The following GRPEL1 variants were observed in gnomAD, a reference collection of about 807,000 sequenced individuals.
GRPEL1 encodes GrpE like 1, mitochondrial.
A neutral mutation model predicts 22.1 loss-of-function variants in GRPEL1; 13 were observed. The ratio of observed to expected loss-of-function variants is 0.59; its 90% confidence interval spans 0.38 to 0.94. The LOEUF (loss-of-function observed/expected upper bound fraction) is 0.94, where lower values mean the gene tolerates loss of function less well. Among genes scored for constraint, GRPEL1 ranks in the 40% least tolerant of loss-of-function variants. The pLI, the probability that GRPEL1 is intolerant of heterozygous loss-of-function variation, is 0.00. For missense variants in GRPEL1, 289 were observed against 264.6 expected (o/e 1.09, Z -0.64); for synonymous variants, 109 against 105.3 (o/e 1.03, Z -0.21).
chr4:7,067,848 G>T, intron 1 of GRPEL1, 123 bp downstream of exon 1: 1 of 1,003,030 alleles, frequency 1.0e-6, no homozygotes, highest in Non-Finnish European at 1.5e-6. Context: ...GGGGAACCGC[G>T]AGCCCGGAGA....
At chr4:7,063,741 C>T (rs985198144) in intron 2 of GRPEL1, among the ~76,000 whole-genome samples, 6 of 152,250 alleles carry the variant, frequency 3.9e-5, no homozygotes, top group Admixed American at 3.9e-4. Flanking sequence ...CTTGTACTTG[C>T]AATTTTCTGC....
chr4:7,067,835 G>A lies in GRPEL1; in HGVS notation c.62+136C>T, dbSNP rs537241878. On this transcript the variant is annotated intron_variant, in intron 1 of 3. Coordinates refer to ENST00000264954, the MANE Select transcript of GRPEL1 (RefSeq NM_025196.4). ...CCCAGCGGGGCGGTCCGCGTCCCGC[G>A]GCGGGGAACCGCGAGCCCGGAGATG... 1.0e-5 allele frequency: 9 copies of A among 880,820 alleles called. No individual in the cohort carries two copies. The East Asian group carries it at 1.9e-4, about 18-fold the overall frequency. The allele number at this position is 880,820 out of a possible 1,614,324, so 54.6% of individuals were successfully genotyped here.
Position 7,061,019 on chromosome 4 carries a change from A to T in GRPEL1, c.497T>A (p.Val166Asp). Residue 166 changes from valine (V) to aspartate (D), a missense_variant, in exon 4 of 4, where the codon GTC becomes GAC. Transcript: ENST00000264954. ...TTCATAAGGGTCGAACTTGGCTCCG[A>T]CAGGGTTCAACTTGAGCAAGCCATG... The part of the protein sequence containing the change: ...TKHGLLKLNP[V>D]GAKFDPYEHE... 6.2e-7 allele frequency: 1 copy of T among 1,614,212 alleles called. No homozygotes were observed. Among genetic ancestry groups the T allele is most frequent in the Non-Finnish European group, 8.5e-7 (1 of 1,180,042 alleles).
chr4:7,062,091 C>T (rs912510148), intron 3 of GRPEL1: 4 of 210,306 alleles, frequency 1.9e-5, no homozygotes, highest in South Asian at 1.6e-4. Context: ...GTGTTACTTC[C>T]GGAGGGCTAA....
chr4:7,064,163 T>C lies in GRPEL1; in HGVS notation c.123A>G (p.Glu41=), dbSNP rs1478664999. The change falls in exon 2 of 4, where the codon GAA becomes GAG. Residue 41 remains glutamate, a synonymous_variant. Coordinates refer to ENST00000264954, the MANE Select transcript of GRPEL1 (RefSeq NM_025196.4). ...TCTGTTCACTCTGACCCATGTCCTC[T>C]TCCAGGTTCTGGCCACTGTTCTTTT... ...TKQKNSGQNL[E]EDMGQSEQKA... is the part of the protein sequence containing the mutation. 1.2e-6 allele frequency: 2 copies of C among 1,614,180 alleles called. No individual in the cohort carries two copies. The highest frequency in any genetic ancestry group is 1.7e-5 in the Admixed American group (1 of 60,020).
chr4:7,061,303 G>GT, intron 3 of GRPEL1, 95 bp from the exon 4 acceptor site: 2 of 940,328 alleles, frequency 2.1e-6, no homozygotes, highest in South Asian at 3.3e-5. Context: ...AGGCTATTTA[G>GT]TAACTTGTCA....
rs777267396 is a variant in GRPEL1 at position 7,064,207 on chromosome 4, A to G, written c.79T>C (p.Leu27=). ...ALSLRPSPRL[L]CTATKQKNSG... ...TTCTTTTGTTTCGTGGCTGTGCACA[A>G]CAACCGGGGAGATGGCCTACAGGGA... is the stretch of plus-strand genomic sequence containing the variant. The change falls in exon 2 of 4, where the codon TTG becomes CTG. Residue 27 remains leucine (L), a synonymous_variant. Transcript: ENST00000264954. The G allele has an allele frequency of 6.8e-6, 11 of 1,613,146 alleles. No homozygotes were observed. Among genetic ancestry groups the G allele is most frequent in the Non-Finnish European group, 8.5e-6 (10 of 1,179,508 alleles).
In GRPEL1 at chr4:7,061,449, G is replaced by C. The variant is rs1560399595; in HGVS notation, c.308-241C>G. 1.2e-5 allele frequency: 6 copies of C among 481,554 alleles called. No individual in the cohort carries two copies. In the South Asian group the frequency reaches 1.3e-4, roughly 10 times the overall value. 29.8% of individuals were successfully genotyped at this position (481,554 alleles called of 1,614,324 possible). On this transcript the variant is annotated intron_variant, in intron 3 of 3. Coordinates refer to ENST00000264954, the MANE Select transcript of GRPEL1 (RefSeq NM_025196.4). ...AAAATGTGAAGAAAGGAGTGCAGTA[G>C]AGGGGAAAATACCCTTGAGACATCC... is the stretch of plus-strand genomic sequence containing the variant.
Position 7,060,902 on chromosome 4 carries a change from G to C in GRPEL1, c.614C>G (p.Thr205Ser), listed in dbSNP as rs1724026324. 1.9e-6 allele frequency: 3 copies of C among 1,614,022 alleles called. No individual in the cohort carries two copies. In the African/African-American group the frequency reaches 4.0e-5, roughly 22 times the overall value. Reference protein sequence around the residue: ...SKVGYKLHGRTLRPALVGVVK... With the variant: ...SKVGYKLHGRSLRPALVGVVK... The stretch of plus-strand genomic sequence containing the variant: ...CACCCCCACCAGGGCGGGTCTCAGA[G>C]TGCGCCCATGCAGCTTGTACCCCAC... The change falls in exon 4 of 4, where the codon ACT becomes AGT. Residue 205 changes from threonine to serine, a missense_variant. Coordinates refer to ENST00000264954, the MANE Select transcript of GRPEL1 (RefSeq NM_025196.4).
At chr4:7,065,816 G>A (rs1724153469) in intron 1 of GRPEL1, among the ~76,000 whole-genome samples, 1 of 151,244 alleles carries the variant, frequency 6.6e-6, no homozygotes, top group African/African-American at 2.4e-5. Flanking sequence ...ATAAAATAAA[G>A]TCTTAAAACC....
rs1219182498 is a variant in GRPEL1 at position 7,060,326 on chromosome 4, GGTCA to G, written c.*532_*535del. 2.0e-5 allele frequency: 3 copies of G among 153,798 alleles called. No homozygotes were observed. Among genetic ancestry groups the G allele is most frequent in the Admixed American group, 6.4e-5 (1 of 15,746 alleles). 9.5% of individuals were successfully genotyped at this position (153,798 alleles called of 1,614,324 possible). A position where few individuals can be genotyped will look rare whatever the true frequency, so the allele number is the denominator to read the frequency against. Reference sequence around the variant, plus strand: ...TCAGTGCCCACACCCATTTCTCAGTGGTCAGTTTCAGCCGCTGTTGACTGAAGAC... The same window carrying G: ...TCAGTGCCCACACCCATTTCTCAGTGGTTTCAGCCGCTGTTGACTGAAGAC... On this transcript the variant is annotated 3_prime_UTR_variant, in exon 4 of 4. Coordinates refer to ENST00000264954, the MANE Select transcript of GRPEL1 (RefSeq NM_025196.4).
chr4:7,059,348 A>G lies in GRPEL1; in HGVS notation c.*1514T>C, dbSNP rs907499804. The G allele has an allele frequency of 3.9e-5, 6 of 152,236 alleles. No individual in the cohort carries two copies. The highest frequency in any genetic ancestry group is 3.2e-3 in the Middle Eastern group (1 of 316). The allele number at this position is 152,236 out of a possible 1,614,324, so 9.4% of individuals were successfully genotyped here. A position where few individuals can be genotyped will look rare whatever the true frequency, so the allele number is the denominator to read the frequency against. On this transcript the variant is annotated 3_prime_UTR_variant, in exon 4 of 4. Transcript: ENST00000264954. ...CAACTGCAGCTGTAGTTGAGACGGTAGGAGACTGCAAACATTCACAGAAAT... is the reference window on the plus strand; with the variant it reads ...CAACTGCAGCTGTAGTTGAGACGGTGGGAGACTGCAAACATTCACAGAAAT...
intron 2 of GRPEL1, among the ~76,000 whole-genome samples, chr4:7,063,703 A>G (rs1450382933): frequency 6.6e-6 from 1 of 152,234 alleles, no homozygotes. Context: ...TGAGAGCATC[A>G]CATAAAACCA....
chr4:7,063,706 TA>T (rs1282375122), intron 2 of GRPEL1, among the ~76,000 whole-genome samples: 1 of 152,238 alleles, frequency 6.6e-6, no homozygotes, highest in Non-Finnish European at 1.5e-5. Context: ...GAGCATCACA[TA>T]AAACCACACT....
rs1262738701 is a variant in GRPEL1 at position 7,060,812 on chromosome 4, T to C, written c.*50A>G. On this transcript the variant is annotated 3_prime_UTR_variant, in exon 4 of 4. Coordinates refer to ENST00000264954, the MANE Select transcript of GRPEL1 (RefSeq NM_025196.4). ...ATAGATGAGAAACAATGAACCAGCC[T>C]TGAGAGTTACATCAAGTGAGTTTAA... 2.4e-5 allele frequency: 35 copies of C among 1,471,398 alleles called. No homozygotes were observed. The highest frequency in any genetic ancestry group is 3.0e-5 in the Non-Finnish European group (32 of 1,074,668). 91.1% of individuals were successfully genotyped at this position (1,471,398 alleles called of 1,614,324 possible).
In GRPEL1 at chr4:7,064,046, C is replaced by T. The variant is rs1724102236; in HGVS notation, c.225+15G>A. On this transcript the variant is annotated intron_variant, in intron 2 of 3. Coordinates refer to ENST00000264954, the MANE Select transcript of GRPEL1 (RefSeq NM_025196.4). The stretch of plus-strand genomic sequence containing the variant: ...TCAGCCGAGCCCGCCCCCACAGGAG[C>T]CTCACAGTCCTCACCACAGTCTCCT... 1 of 1,609,828 alleles carries T rather than the reference C, an allele frequency of 6.2e-7. No individual in the cohort carries two copies. The highest frequency in any genetic ancestry group is 8.5e-7 in the Non-Finnish European group (1 of 1,177,674).
chr4:7,062,166 A>C (rs1057497181), intron 3 of GRPEL1: 2 of 319,624 alleles, frequency 6.3e-6, no homozygotes, highest in Middle Eastern at 8.1e-4. Flanking sequence ...GGGGGAGGAC[A>C]CACCTATTTA....
At position 7,060,216 on chromosome 4, in the gene GRPEL1, T is replaced by C. The variant is rs1237344269; in HGVS notation, c.*646A>G. ...TAACTAGTTGAATATGATTTAAATA[T>C]GTCTGCATTTAGATGAACAGAACAG... On this transcript the variant is annotated 3_prime_UTR_variant, in exon 4 of 4. Coordinates refer to ENST00000264954, the MANE Select transcript of GRPEL1 (RefSeq NM_025196.4). The C allele has an allele frequency of 6.6e-6, 1 of 152,320 alleles. No homozygotes were observed. The highest frequency in any genetic ancestry group is 1.5e-5 in the Non-Finnish European group (1 of 68,118). The allele number at this position is 152,320 out of a possible 1,614,324, so 9.4% of individuals were successfully genotyped here. A position where few individuals can be genotyped will look rare whatever the true frequency, so the allele number is the denominator to read the frequency against.
intron 2 of GRPEL1, 68 bp downstream of exon 2, chr4:7,063,993 C>T: frequency 2.0e-6 from 3 of 1,515,508 alleles, no homozygotes; most frequent in African/African-American, 1.4e-5. Flanking sequence ...AAACCTGGAA[C>T]CTTTATGTGG....
Sources: gnomAD v4.1 joint callset for allele counts (sites outside exome capture counted in the v4.1 genomes callset) on GRCh38, gnomAD v4.1.1 for gene constraint, MANE v1.5 for transcripts, NCBI Gene and HGNC (gene_info 2026-07-23, HGNC 2026-07-21) for gene names.